The following SCEL variants were observed in gnomAD, a reference collection of about 807,000 sequenced individuals.
SCEL encodes the protein sciellin.
In SCEL, 113 loss-of-function variants were observed where a neutral mutation model predicts 117.6. The observed-to-expected ratio is 0.96, with a 90% confidence interval of 0.83 to 1.12. The LOEUF (loss-of-function observed/expected upper bound fraction) is 1.12, where lower values mean the gene tolerates loss of function less well. SCEL is among the 50% of genes most tolerant of loss of function. The pLI is 0.00. For missense variants in SCEL, 785 were observed against 810.8 expected, an observed-to-expected ratio of 0.97 and a Z score of 0.39; for synonymous variants, 270 against 256.2, an observed-to-expected ratio of 1.05 and a Z score of -0.51.
chr13:77,600,798 T>C (rs2087617378), intron 15 of SCEL, among the ~76,000 whole-genome samples: 1 of 152,220 alleles, frequency 6.6e-6, no homozygotes, highest in Non-Finnish European at 1.5e-5. Context: ...AGATTGGCTG[T>C]TTACTTTGTA....
intron 1 of SCEL, among the ~76,000 whole-genome samples, chr13:77,552,720 T>C (rs2154395321): frequency 6.6e-6 from 1 of 152,326 alleles, no homozygotes; most frequent in Non-Finnish European, 1.5e-5. Flanking sequence ...TTGTCAATTT[T>C]GGCTTTTGTT....
At chr13:77,597,750 T>C (rs1412570037) in intron 13 of SCEL, among the ~76,000 whole-genome samples, 161 bp downstream of exon 13, 1 of 151,986 alleles carries the variant, frequency 6.6e-6, no homozygotes, top group African/African-American at 2.4e-5. Context: ...TTCATTGTTA[T>C]GATGAATGGT....
At chr13:77,615,635 G>GTTACATTTTCCTGGATAAAATT (rs2088967031) in intron 24 of SCEL, among the ~76,000 whole-genome samples, 1 of 151,930 alleles carries the variant, frequency 6.6e-6, no homozygotes, top group Admixed American at 6.6e-5. Context: ...GAGAAAAAAT[G>GTTACATTTTCCTGGATAAAATT]TTACATTTTC....
At chr13:77,552,751 A>G (rs888632882) in intron 1 of SCEL, among the ~76,000 whole-genome samples, 4 of 152,144 alleles carry the variant, frequency 2.6e-5, no homozygotes, top group East Asian at 1.9e-4. Context: ...TTGGTGTTTT[A>G]GACATGAAGT....
chr13:77,627,813 T>A (rs2089819951), intron 27 of SCEL, 134 bp from the exon 28 acceptor site: 1 of 274,264 alleles, frequency 3.6e-6, no homozygotes, highest in Non-Finnish European at 7.2e-6. Context: ...ATGTCAGATA[T>A]TCAATCTCCC....
chr13:77,555,043 T>TATA (rs1371817211), intron 1 of SCEL, among the ~76,000 whole-genome samples: 4 of 152,116 alleles, frequency 2.6e-5, no homozygotes, highest in Admixed American at 1.3e-4. Context: ...AAAATATTGA[T>TATA]ATAATAATAA....
At chr13:77,590,937 A>G (rs993278893) in intron 10 of SCEL, among the ~76,000 whole-genome samples, 4 of 152,128 alleles carry the variant, frequency 2.6e-5, no homozygotes, top group African/African-American at 7.2e-5. Context: ...GTCATTCCCA[A>G]TGTAGTAGGT....
intron 17 of SCEL, 99 bp downstream of exon 17, chr13:77,602,812 G>A (rs2087810271): frequency 4.8e-6 from 5 of 1,033,268 alleles, no homozygotes; most frequent in Non-Finnish European, 6.0e-6. Flanking sequence ...TCTCTCTTCT[G>A]TGTCTAATCC....
chr13:77,597,433 G>A (rs148643037), intron 12 of SCEL, 112 bp from the exon 13 acceptor site: 22 of 609,724 alleles, frequency 3.6e-5, no homozygotes, highest in African/African-American at 3.2e-4. Context: ...TTTCGCAGAT[G>A]ATAAAAGTGG....
chr13:77,599,007 T>C (rs2087449479), intron 13 of SCEL, among the ~76,000 whole-genome samples: 1 of 152,172 alleles, frequency 6.6e-6, no homozygotes, highest in Non-Finnish European at 1.5e-5. Context: ...CTGTGTGTCC[T>C]GACCATCATT....
chr13:77,613,193 G>T lies in SCEL; in HGVS notation c.1388+252G>T, dbSNP rs529976504. ...CTACTTTAGAAATTCCTTTGACACA[G>T]TAACAGCATAACTAGATTATAACCA... is the stretch of plus-strand genomic sequence containing the variant. On this transcript the variant is annotated intron_variant, in intron 23 of 32. Transcript: ENST00000349847. Among the ~76,000 whole-genome samples the T allele has an allele frequency of 1.7e-3, 252 of 152,016 alleles. 1 individual carries two copies. The highest frequency in any genetic ancestry group is 5.7e-3 in the African/African-American group (237 of 41,464).
chr13:77,545,363 T>A (rs2154394426), intron 1 of SCEL, among the ~76,000 whole-genome samples: 1 of 152,352 alleles, frequency 6.6e-6, no homozygotes, highest in Admixed American at 6.5e-5. Context: ...CTGAAATAAG[T>A]AATTCCTTTA....
intron 7 of SCEL, 97 bp from the exon 8 acceptor site, chr13:77,569,274 C>T: frequency 1.1e-6 from 1 of 879,246 alleles, no homozygotes; most frequent in Non-Finnish European, 1.8e-6. Context: ...GAACAGAGAG[C>T]AGGCAGGAAT....
intron 4 of SCEL, among the ~76,000 whole-genome samples, chr13:77,562,899 C>T (rs1223483426): frequency 6.6e-6 from 1 of 152,162 alleles, no homozygotes; most frequent in African/African-American, 2.4e-5. Context: ...TATTCTAATG[C>T]AATACTTTGG....
intron 12 of SCEL, among the ~76,000 whole-genome samples, chr13:77,595,205 C>T (rs944980394): frequency 1.8e-4 from 27 of 152,254 alleles, no homozygotes; most frequent in African/African-American, 6.5e-4. Flanking sequence ...AATTCCACAG[C>T]CAGGTACATT....
chr13:77,555,347 C>A (rs1337963660), intron 1 of SCEL, among the ~76,000 whole-genome samples: 1 of 152,208 alleles, frequency 6.6e-6, no homozygotes, highest in Non-Finnish European at 1.5e-5. Context: ...TTTCCATATG[C>A]CTGGCTGCTT....
At chr13:77,569,759 C>T (rs572637549) in intron 8 of SCEL, among the ~76,000 whole-genome samples, 1 of 152,306 alleles carries the variant, frequency 6.6e-6, no homozygotes, top group East Asian at 1.9e-4. Context: ...GAATGTAGGG[C>T]CACATGCTGC....
At chr13:77,577,589 C>A (rs558817949) in intron 9 of SCEL, among the ~76,000 whole-genome samples, 1 of 152,226 alleles carries the variant, frequency 6.6e-6, no homozygotes, top group South Asian at 2.1e-4. Flanking sequence ...ACCATATCAC[C>A]AGGTTTTGAT....
intron 1 of SCEL, among the ~76,000 whole-genome samples, chr13:77,552,977 A>T (rs2084428283): frequency 6.6e-6 from 1 of 152,172 alleles, no homozygotes; most frequent in South Asian, 2.1e-4. Context: ...TCCTTTCGCC[A>T]TTGCTTGTTT....
Sources: allele counts gnomAD v4.1 joint callset (sites outside exome capture counted in the v4.1 genomes callset), GRCh38; gene constraint gnomAD v4.1.1; transcripts MANE v1.5; gene names NCBI Gene and HGNC (gene_info 2026-07-23, HGNC 2026-07-21).